Variants in OTUD4 observed in about 807,000 individuals in gnomAD.
OTUD4 encodes the protein OTU deubiquitinase 4.
A neutral mutation model predicts 130.4 loss-of-function variants in OTUD4; 24 were observed. The ratio of observed to expected loss-of-function variants is 0.18; its 90% CI spans 0.13 to 0.26. OTUD4 has a LOEUF of 0.26. OTUD4 is among the 10% of genes least tolerant of loss of function. The probability of loss-of-function intolerance (pLI) is 1.00; values close to 1 mark genes in which losing one functional copy is unlikely to be tolerated. For synonymous variants in OTUD4, 420 were observed against 472.5 expected (o/e 0.89, Z 1.44); for missense variants, 1,031 against 1,329.4 (o/e 0.78, Z 3.49).
At chr4:145,174,840 AGATT>A (rs1752344132) in intron 1 of OTUD4, 96 bp from the exon 2 acceptor site, 2 of 691,344 alleles carry the variant, frequency 2.9e-6, no homozygotes, top group Non-Finnish European at 5.3e-6. Context: ...GACAACCAAT[AGATT>A]ATCAGTCTTT....
chr4:145,171,580 C>T, intron 3 of OTUD4, 90 bp downstream of exon 3: 2 of 688,694 alleles, frequency 2.9e-6, no homozygotes, highest in Non-Finnish European at 2.6e-6. Context: ...CTCCTCTATA[C>T]ACTGTAATAG....
intron 1 of OTUD4, among the ~76,000 whole-genome samples, chr4:145,179,108 T>C (rs1427047139): frequency 6.6e-6 from 1 of 152,206 alleles, no homozygotes; most frequent in South Asian, 2.1e-4. Flanking sequence ...GCAACTGTGT[T>C]AGAAAATGGT....
chr4:145,165,647 T>A (rs541481411), intron 3 of OTUD4, among the ~76,000 whole-genome samples: 1 of 152,144 alleles, frequency 6.6e-6, no homozygotes, highest in East Asian at 2.0e-4. Flanking sequence ...CCAGCTAATT[T>A]TGTATTTTTA....
rs36226999 is a variant in OTUD4, at chr4:145,138,162, T to G, written c.2613A>C (p.Ile871=). The G allele has an allele frequency of 1.1e-3, 1,804 of 1,614,010 alleles. 25 individuals are homozygous for G. In the African/African-American group the frequency reaches 0.022, roughly 20 times the overall value. ...VWYGYPFQGF[I]ENPVMRQNIV... ...TATTCTGCCTCATTACTGGATTTTC[T>G]ATGAATCCCTGAAAAGGGTACCCAT... is the stretch of plus-strand genomic sequence containing the variant. The change falls in exon 21 of 21, where the codon ATA becomes ATC. Residue 871 remains isoleucine, a synonymous_variant. Coordinates refer to ENST00000447906, the MANE Select transcript of OTUD4 (RefSeq NM_001366057.1).
At chr4:145,178,243 T>C (rs981772048) in intron 1 of OTUD4, 1 of 152,238 alleles carries the variant, frequency 6.6e-6, no homozygotes, top group African/African-American at 2.4e-5. Context: ...CGAGTATCTA[T>C]GGTATGCACT....
At position 145,146,487 on chromosome 4, in the gene OTUD4, T is replaced by C. The variant is rs182971554; in HGVS notation, c.1260-58A>G. ...ATAAATAAATAAATAAATAAATAAA[T>C]AAAACATTCTTGTCAAAAAAAAAAA... is the stretch of plus-strand genomic sequence containing the variant. On this transcript the variant is annotated intron_variant, in intron 13 of 20. Transcript: ENST00000447906. The C allele has an allele frequency of 1.1e-3, 1,003 of 929,888 alleles. 8 individuals carry two copies. The African/African-American group carries it at 0.015, about 14-fold the overall frequency. The allele number at this position is 929,888 out of a possible 1,614,324, so 57.6% of individuals were successfully genotyped here.
At chr4:145,142,624 C>T (rs1036136332) in intron 17 of OTUD4, among the ~76,000 whole-genome samples, 1 of 152,242 alleles carries the variant, frequency 6.6e-6, no homozygotes. Context: ...TGGGCTCAAG[C>T]GATCTGCCCG....
chr4:145,156,999 G>A (rs1311911209), intron 7 of OTUD4, among the ~76,000 whole-genome samples: 1 of 152,120 alleles, frequency 6.6e-6, no homozygotes, highest in Non-Finnish European at 1.5e-5. Flanking sequence ...CCCGTGGTAG[G>A]ACTTGAATAT....
At chr4:145,177,311 CTCTTT>C (rs1021202759) in intron 1 of OTUD4, among the ~76,000 whole-genome samples, 2 of 152,198 alleles carry the variant, frequency 1.3e-5, no homozygotes, top group African/African-American at 4.8e-5. Context: ...ACTGGTTCTT[CTCTTT>C]TAACAAAGAT....
chr4:145,157,105 C>G (rs1031745674), intron 7 of OTUD4, among the ~76,000 whole-genome samples: 25 of 151,898 alleles, frequency 1.6e-4, no homozygotes, highest in Admixed American at 1.6e-3. Context: ...TTTAAGAGAA[C>G]AAAAACTCCG....
chr4:145,156,113 A>G lies in OTUD4; in HGVS notation c.630-117T>C, dbSNP rs193219272. 187 of 717,188 alleles carry G rather than the reference A, an allele frequency of 2.6e-4. 1 individual carries two copies. The East Asian group carries it at 4.1e-3, about 16-fold the overall frequency. 44.4% of individuals were successfully genotyped at this position (717,188 alleles called of 1,614,324 possible). A position where few individuals can be genotyped will look rare whatever the true frequency, so the allele number is the denominator to read the frequency against. ...TATGCTCCAAAAAGAGCTATATTCC[A>G]GTGAGCTCATACAAGTTTTGGTACA... On this transcript the variant is annotated intron_variant, in intron 7 of 20. Coordinates refer to ENST00000447906, the MANE Select transcript of OTUD4 (RefSeq NM_001366057.1).
chr4:145,171,981 T>C (rs894141596), intron 2 of OTUD4, among the ~76,000 whole-genome samples: 13 of 152,224 alleles, frequency 8.5e-5, no homozygotes, highest in African/African-American at 3.1e-4. Context: ...AGATGAATGC[T>C]GGACAGGATC....
chr4:145,139,274 A>T (rs968130643), intron 20 of OTUD4, among the ~76,000 whole-genome samples: 14 of 152,322 alleles, frequency 9.2e-5, no homozygotes, highest in East Asian at 1.9e-4. Context: ...ATAGTAAAAT[A>T]ATCAAGTTTC....
At position 145,134,842 on chromosome 4, in the gene OTUD4, G is replaced by A. The variant is rs1398868284; in HGVS notation, c.*2588C>T. ...AGCACCTAACACAAAAAACAGGTGA[G>A]CTTTGGTCAGTCTGTTCTTCAAAAT... On this transcript the variant is annotated 3_prime_UTR_variant, in exon 21 of 21. Coordinates refer to ENST00000447906, the MANE Select transcript of OTUD4 (RefSeq NM_001366057.1). The A allele has an allele frequency of 1.3e-5, 5 of 398,844 alleles. No individual in the cohort carries two copies. The highest frequency in any genetic ancestry group is 2.2e-5 in the Non-Finnish European group (5 of 226,008). The allele number at this position is 398,844 out of a possible 1,614,324, so 24.7% of individuals were successfully genotyped here.
intron 16 of OTUD4, among the ~76,000 whole-genome samples, chr4:145,143,695 A>G (rs1750689638): frequency 6.6e-6 from 1 of 152,206 alleles, no homozygotes; most frequent in African/African-American, 2.4e-5. Flanking sequence ...CTTTAAAAAC[A>G]TCACTCTAGA....
rs1280531585 is a variant in OTUD4, at chr4:145,134,959, A to G, written c.*2471T>C. ...TATACTTTTGCCTCTATTCTCTTAT[A>G]AAGAAATATGTCAACATAACAGTAT... On this transcript the variant is annotated 3_prime_UTR_variant, in exon 21 of 21. Coordinates refer to ENST00000447906, the MANE Select transcript of OTUD4 (RefSeq NM_001366057.1). 3 of 398,210 alleles carry G rather than the reference A, an allele frequency of 7.5e-6. No homozygotes were observed. The highest frequency in any genetic ancestry group is 6.2e-5 in the African/African-American group (3 of 48,606). 24.7% of individuals were successfully genotyped at this position (398,210 alleles called of 1,614,324 possible). A position where few individuals can be genotyped will look rare whatever the true frequency, so the allele number is the denominator to read the frequency against.
chr4:145,166,664 A>AC (rs1457499348), intron 3 of OTUD4, among the ~76,000 whole-genome samples: 4 of 152,098 alleles, frequency 2.6e-5, no homozygotes, highest in African/African-American at 9.7e-5. Context: ...ACACAGTGAA[A>AC]CCCCATCTCT....
intron 13 of OTUD4, among the ~76,000 whole-genome samples, chr4:145,147,192 C>CT (rs1560981957): frequency 6.6e-6 from 1 of 152,130 alleles, no homozygotes; most frequent in Non-Finnish European, 1.5e-5. Context: ...AAAAAAAATA[C>CT]TTTGTCACAG....
Position 145,139,992 on chromosome 4 carries a change from C to A in OTUD4, c.2084-1G>T. 1 of 791,562 alleles carries A rather than the reference C, an allele frequency of 1.3e-6. No individual in the cohort carries two copies. The highest frequency in any genetic ancestry group is 2.7e-5 in the Admixed American group (1 of 37,114). 49.0% of individuals were successfully genotyped at this position (791,562 alleles called of 1,614,324 possible). ...AAGAAGAATCGAAGAATATTCTTAT[C>A]TAAAAATAAAAGTAATCACTTGTTA... On this transcript the variant is annotated splice_acceptor_variant, in intron 19 of 20. Coordinates refer to ENST00000447906, the MANE Select transcript of OTUD4 (RefSeq NM_001366057.1). LOFTEE classifies it high-confidence loss of function.
Sources: allele counts gnomAD v4.1 joint callset (sites outside exome capture counted in the v4.1 genomes callset), GRCh38; gene constraint gnomAD v4.1.1; transcripts MANE v1.5; gene names NCBI Gene and HGNC (gene_info 2026-07-23, HGNC 2026-07-21).